Variants in APPBP2 observed in about 807,000 individuals in gnomAD.
APPBP2 encodes amyloid protein-binding protein 2.
In APPBP2, 15 loss-of-function variants were observed where a neutral mutation model predicts 76.0. That is an observed-to-expected ratio of 0.20 (90% CI 0.13 to 0.30). The LOEUF (loss-of-function observed/expected upper bound fraction) is 0.30. Ranked by LOEUF, APPBP2 falls within the 10% of genes least tolerant of loss-of-function variation. The pLI is 1.00. For synonymous variants in APPBP2, 222 were observed against 242.2 expected (o/e 0.92, Z 0.77); for missense variants, 401 against 687.2 (o/e 0.58, Z 4.66).
chr17:60,488,899 C>T (rs776615783), intron 3 of APPBP2, among the ~76,000 whole-genome samples: 20 of 152,100 alleles, frequency 1.3e-4, no homozygotes, highest in Admixed American at 4.6e-4. Flanking sequence ...AATTCTTTGT[C>T]GCTACTGACA....
chr17:60,500,352 A>G, intron 2 of APPBP2, 47 bp downstream of exon 2: 4 of 1,327,906 alleles, frequency 3.0e-6, no homozygotes, highest in Non-Finnish European at 4.2e-6. Context: ...TTAAAATGGT[A>G]AATTTTATGT....
At chr17:60,524,990 A>G (rs1376738117) in intron 1 of APPBP2, among the ~76,000 whole-genome samples, 2 of 152,208 alleles carry the variant, frequency 1.3e-5, no homozygotes, top group Non-Finnish European at 2.9e-5. Flanking sequence ...ACATCTAAGG[A>G]CACTTACCCT....
intron 1 of APPBP2, among the ~76,000 whole-genome samples, chr17:60,504,333 TCAAC>T (rs904745436): frequency 4.6e-5 from 7 of 151,892 alleles, no homozygotes; most frequent in African/African-American, 1.5e-4. Flanking sequence ...TGAAGATAGA[TCAAC>T]CAACAGAACA....
rs751340025 is a variant in APPBP2, at chr17:60,461,802, T to G, written c.936+8A>C. 2 of 1,586,360 alleles carry G rather than the reference T, an allele frequency of 1.3e-6. No homozygotes were observed. The highest frequency in any genetic ancestry group is 3.5e-5 in the Admixed American group (2 of 57,560). ...GTTGAAAGAAAAAAAGGGTAACCAT[T>G]AACATACCTGATAAATTGCAACAGA... On this transcript the variant is annotated splice_region_variant and intron_variant, in intron 8 of 12. Coordinates refer to ENST00000083182, the MANE Select transcript of APPBP2 (RefSeq NM_006380.5).
At chr17:60,520,580 A>AG (rs2091001536) in intron 1 of APPBP2, among the ~76,000 whole-genome samples, 3 of 133,450 alleles carry the variant, frequency 2.2e-5, no homozygotes, top group East Asian at 3.8e-4. Context: ...TAAAAAAAAA[A>AG]AAAAAAAAAA....
chr17:60,525,998 G>A lies in APPBP2; in HGVS notation c.-67C>T. 5.4e-6 allele frequency: 8 copies of A among 1,471,856 alleles called. No individual in the cohort carries two copies. In the South Asian group the frequency reaches 6.4e-5, roughly 12 times the overall value. The allele number at this position is 1,471,856 out of a possible 1,614,324, so 91.2% of individuals were successfully genotyped here. A position where few individuals can be genotyped will look rare whatever the true frequency, so the allele number is the denominator to read the frequency against. On this transcript the variant is annotated 5_prime_UTR_variant, in exon 1 of 13. Coordinates refer to ENST00000083182, the MANE Select transcript of APPBP2 (RefSeq NM_006380.5). ...GAAGGCCCCCACCTCCCTCCGTAGC[G>A]AACCCCTCTGCGGCCCCGGAGGATT... is the stretch of plus-strand genomic sequence containing the variant.
chr17:60,490,216 G>A (rs533306806), intron 3 of APPBP2, among the ~76,000 whole-genome samples: 1 of 152,188 alleles, frequency 6.6e-6, no homozygotes, highest in East Asian at 1.9e-4. Flanking sequence ...ACTAAGTAAG[G>A]CCAGTAGTCT....
intron 4 of APPBP2, among the ~76,000 whole-genome samples, chr17:60,474,273 C>T (rs1001499599): frequency 4.0e-5 from 6 of 151,776 alleles, no homozygotes; most frequent in African/African-American, 7.2e-5. Flanking sequence ...CAGGTTCAAG[C>T]GATTCTCCTC....
chr17:60,444,322 G>A lies in APPBP2; in HGVS notation c.*3259C>T, dbSNP rs1397152866. On this transcript the variant is annotated 3_prime_UTR_variant, in exon 13 of 13. Coordinates refer to ENST00000083182, the MANE Select transcript of APPBP2 (RefSeq NM_006380.5). ...TCTAGGGAAAACATAAAAAGTGGCA[G>A]TTAATGATACCTGTTATGAGCAAAT... 1.3e-5 allele frequency: 2 copies of A among 152,416 alleles called. No individual in the cohort carries two copies. Among genetic ancestry groups the A allele is most frequent in the African/African-American group, 2.4e-5 (1 of 41,384 alleles). The allele number at this position is 152,416 out of a possible 1,614,324, so 9.4% of individuals were successfully genotyped here. A position where few individuals can be genotyped will look rare whatever the true frequency, so the allele number is the denominator to read the frequency against.
At chr17:60,483,706 T>G (rs1258714885) in intron 3 of APPBP2, among the ~76,000 whole-genome samples, 1 of 152,196 alleles carries the variant, frequency 6.6e-6, no homozygotes, top group African/African-American at 2.4e-5. Flanking sequence ...GGTAGTTTCT[T>G]TTGCTGTGCA....
intron 1 of APPBP2, among the ~76,000 whole-genome samples, chr17:60,525,590 A>C (rs2091046642): frequency 6.6e-6 from 1 of 152,158 alleles, no homozygotes; most frequent in African/African-American, 2.4e-5. Context: ...CCCCAAGATT[A>C]CTTCAAGGCC....
intron 4 of APPBP2, among the ~76,000 whole-genome samples, chr17:60,468,195 T>C (rs2090525602): frequency 6.6e-6 from 1 of 152,128 alleles, no homozygotes; most frequent in Admixed American, 6.6e-5. Context: ...ATATGGTTAA[T>C]GGCTACCATA....
chr17:60,525,780 C>A lies in APPBP2; in HGVS notation c.138+14G>T, dbSNP rs766244222. 17 of 1,612,854 alleles carry A rather than the reference C, an allele frequency of 1.1e-5. No homozygotes were observed. Among genetic ancestry groups the A allele is most frequent in the Admixed American group, 1.7e-5 (1 of 59,844 alleles). ...TTGCTGGAGGAGAGCAGAGAGGAGG[C>A]CCACGGCGCATACCTTGTAGTAAAC... On this transcript the variant is annotated intron_variant, in intron 1 of 12. Coordinates refer to ENST00000083182, the MANE Select transcript of APPBP2 (RefSeq NM_006380.5).
chr17:60,512,345 C>T (rs1034417105), intron 1 of APPBP2, among the ~76,000 whole-genome samples: 7 of 151,802 alleles, frequency 4.6e-5, no homozygotes, highest in African/African-American at 7.3e-5. Context: ...CCTCGTGATC[C>T]GCCCGCCTCG....
chr17:60,501,478 C>A (rs1230019776), intron 1 of APPBP2, among the ~76,000 whole-genome samples: 1 of 152,058 alleles, frequency 6.6e-6, no homozygotes, highest in East Asian at 1.9e-4. Flanking sequence ...CTCACTGCAA[C>A]CTCTGCCTCC....
In APPBP2 at chr17:60,500,392, A is replaced by T; in HGVS notation, c.227+7T>A. The T allele has an allele frequency of 1.3e-6, 2 of 1,574,248 alleles. No homozygotes were observed. The highest frequency in any genetic ancestry group is 1.7e-6 in the Non-Finnish European group (2 of 1,155,966). Reference sequence around the variant, plus strand: ...TATATTTTACAATTTTTTAAAAAAGAATTTACCTTTTATCCAAAGCTCTCA... The same window carrying T: ...TATATTTTACAATTTTTTAAAAAAGTATTTACCTTTTATCCAAAGCTCTCA... On this transcript the variant is annotated splice_region_variant and intron_variant, in intron 2 of 12. Transcript: ENST00000083182.
At chr17:60,509,998 G>T (rs1431421872) in intron 1 of APPBP2, among the ~76,000 whole-genome samples, 1 of 151,432 alleles carries the variant, frequency 6.6e-6, no homozygotes, top group Non-Finnish European at 1.5e-5. Flanking sequence ...TTTTAAAAAA[G>T]GAAGTCTTGT....
intron 3 of APPBP2, among the ~76,000 whole-genome samples, chr17:60,491,087 C>A (rs2090725337): frequency 6.6e-6 from 1 of 152,076 alleles, no homozygotes; most frequent in African/African-American, 2.4e-5. Context: ...TTGGAGGGCT[C>A]AGAAGAAGAC....
chr17:60,456,372 T>A lies in APPBP2; in HGVS notation c.1071A>T (p.Ala357=), dbSNP rs764400027. Residue 357 remains alanine (A), a synonymous_variant, in exon 10 of 13, where the codon GCA becomes GCT. Transcript: ENST00000083182. ...GGGTAATGATACCAATAGCTCTTTC[T>A]GCATGAAATCTGTAATACAGATAGA... ...SGKFDNALFH[A]ERAIGIITHI... is the part of the protein sequence containing the mutation. 4.4e-6 allele frequency: 7 copies of A among 1,602,116 alleles called. No individual in the cohort carries two copies. The South Asian group carries it at 7.7e-5, about 18-fold the overall frequency.
Sources: gnomAD v4.1 joint callset for allele counts (sites outside exome capture counted in the v4.1 genomes callset) on GRCh38, gnomAD v4.1.1 for gene constraint, MANE v1.5 for transcripts, NCBI Gene and HGNC (gene_info 2026-07-23, HGNC 2026-07-21) for gene names.